Variants in ROR2 observed in about 807,000 individuals in gnomAD.
The protein encoded by ROR2 is ROR family WNT receptor 2.
ROR2 carries 33 observed loss-of-function variants against 74.9 expected under a neutral mutation model. The observed-to-expected ratio is 0.44, with a 90% CI of 0.33 to 0.59. The LOEUF (loss-of-function observed/expected upper bound fraction) is 0.59, where lower values mean the gene tolerates loss of function less well. ROR2 is among the 20% of genes least tolerant of loss of function. ROR2 has a pLI of 0.02. For synonymous variants in ROR2, 586 were observed against 558.7 expected (o/e 1.05, Z -0.69); for missense variants, 1,216 against 1,313.8 (o/e 0.93, Z 1.15).
chr9:91,916,680 T>C (rs1166079182), intron 1 of ROR2, among the ~76,000 whole-genome samples: 2 of 152,246 alleles, frequency 1.3e-5, no homozygotes, highest in Non-Finnish European at 2.9e-5. Flanking sequence ...CCAATGTGTT[T>C]GGGACCCTTT....
chr9:91,834,419 G>A lies in ROR2; in HGVS notation c.98-58601C>T, dbSNP rs148260992. ...TGTTTGTGGTTTATTTTTTAATGCA[G>A]ACACAGAGCAAACATCAATCCTGAA... On this transcript the variant is annotated intron_variant, in intron 1 of 8. Coordinates refer to ENST00000375708, the MANE Select transcript of ROR2 (RefSeq NM_004560.4). 2.8e-3 allele frequency among the ~76,000 whole-genome samples: 425 copies of A among 152,322 alleles called. 4 individuals carry two copies. Among genetic ancestry groups the A allele is most frequent in the African/African-American group, 9.1e-3 (380 of 41,568 alleles).
intron 1 of ROR2, among the ~76,000 whole-genome samples, chr9:91,824,300 C>T (rs1828220285): frequency 6.6e-6 from 1 of 152,212 alleles, no homozygotes; most frequent in African/African-American, 2.4e-5. Context: ...TGTGGGGTTC[C>T]CCCAGCCAAA....
chr9:91,791,219 A>G (rs1031033729), intron 1 of ROR2, among the ~76,000 whole-genome samples: 1 of 152,118 alleles, frequency 6.6e-6, no homozygotes, highest in Admixed American at 6.5e-5. Context: ...TTTATACTAT[A>G]TTTTTACTGT....
At chr9:91,938,496 C>T (rs1831760749) in intron 1 of ROR2, among the ~76,000 whole-genome samples, 1 of 152,076 alleles carries the variant, frequency 6.6e-6, no homozygotes, top group African/African-American at 2.4e-5. Flanking sequence ...GATGTGCACA[C>T]CTGTAATCTT....
chr9:91,877,013 T>C (rs922011444), intron 1 of ROR2, among the ~76,000 whole-genome samples: 1 of 151,692 alleles, frequency 6.6e-6, no homozygotes, highest in Non-Finnish European at 1.5e-5. Context: ...ACACAGAAGA[T>C]CCCAAAACCC....
At chr9:91,897,011 G>T (rs889295584) in intron 1 of ROR2, among the ~76,000 whole-genome samples, 1 of 152,212 alleles carries the variant, frequency 6.6e-6, no homozygotes, top group African/African-American at 2.4e-5. Flanking sequence ...GAAGGAAGGG[G>T]AAGGCCCATG....
At chr9:91,939,393 T>G (rs2118036506) in intron 1 of ROR2, among the ~76,000 whole-genome samples, 3 of 152,394 alleles carry the variant, frequency 2.0e-5, no homozygotes, top group Admixed American at 2.0e-4. Context: ...AGTGATCCAA[T>G]GAGTCAAAGA....
chr9:91,874,872 T>A (rs530532085), intron 1 of ROR2, among the ~76,000 whole-genome samples: 9 of 150,762 alleles, frequency 6.0e-5, no homozygotes, highest in African/African-American at 1.5e-4. Context: ...GAGGTGGAGG[T>A]TGCAGTGAGC....
At chr9:91,850,808 C>A (rs148041346) in intron 1 of ROR2, among the ~76,000 whole-genome samples, 1 of 152,294 alleles carries the variant, frequency 6.6e-6, no homozygotes, top group African/African-American at 2.4e-5. Flanking sequence ...TTTGCCCCTT[C>A]AATAGGGCTT....
At chr9:91,819,135 G>A (rs867509499) in intron 1 of ROR2, among the ~76,000 whole-genome samples, 3 of 152,162 alleles carry the variant, frequency 2.0e-5, no homozygotes, top group Admixed American at 1.3e-4. Context: ...CCAAAGATGA[G>A]CCCTGGTGAA....
chr9:91,888,080 A>G (rs1830335420), intron 1 of ROR2, among the ~76,000 whole-genome samples: 1 of 152,040 alleles, frequency 6.6e-6, no homozygotes, highest in South Asian at 2.1e-4. Context: ...GTGAGCCACC[A>G]TGCCCAGCCT....
chr9:91,733,248 C>A lies in ROR2; in HGVS notation c.811G>T (p.Ala271Ser). The stretch of plus-strand genomic sequence containing the variant: ...ATGAGGATGAGCGGGTTGGAGCGGG[C>A]GATGGTGTACTCCTGGCGGCACAGG... Reference protein sequence around the residue: ...SDLCRQEYTIARSNPLILMRL... With the variant: ...SDLCRQEYTISRSNPLILMRL... Residue 271 changes from alanine (A) to serine (S), a missense_variant, in exon 6 of 9, where the codon GCC becomes TCC. Physicochemically the swap from Ala to Ser is moderately conservative, Grantham distance 99. Coordinates refer to ENST00000375708, the MANE Select transcript of ROR2 (RefSeq NM_004560.4). This position sits in a 1 kb window ranked among gnomAD's most constrained non-coding sequence, Gnocchi z 5.7. 6.2e-7 allele frequency: 1 copy of A among 1,612,784 alleles called. No homozygotes were observed. The highest frequency in any genetic ancestry group is 8.5e-7 in the Non-Finnish European group (1 of 1,179,714).
In ROR2 at chr9:91,822,964, G is replaced by A. The variant is rs144272043; in HGVS notation, c.98-47146C>T. Among the ~76,000 whole-genome samples the A allele has an allele frequency of 3.9e-5, 6 of 152,266 alleles. No individual in the cohort carries two copies. The East Asian group carries it at 1.2e-3, about 29-fold the overall frequency. On this transcript the variant is annotated intron_variant, in intron 1 of 8. Coordinates refer to ENST00000375708, the MANE Select transcript of ROR2 (RefSeq NM_004560.4). ...AGACAGTAAGAAACATCACCGGAGG[G>A]AACAGTCACACTAATTCAAAGGTGC...
chr9:91,769,604 C>T (rs919576349), intron 2 of ROR2, among the ~76,000 whole-genome samples: 5 of 152,204 alleles, frequency 3.3e-5, no homozygotes, highest in Admixed American at 1.3e-4. Context: ...CGGGACTCTA[C>T]GTTCCCTTCC....
chr9:91,933,057 A>G (rs1831592422), intron 1 of ROR2, among the ~76,000 whole-genome samples: 1 of 152,234 alleles, frequency 6.6e-6, no homozygotes, highest in African/African-American at 2.4e-5. Flanking sequence ...GTTAGCCTGT[A>G]ATCTCAGCAC....
chr9:91,738,998 T>C (rs1825129742), intron 4 of ROR2, among the ~76,000 whole-genome samples: 1 of 152,050 alleles, frequency 6.6e-6, no homozygotes. Context: ...CCTCCAAAGG[T>C]CCATTGACGC....
At chr9:91,915,811 G>C (rs1295058486) in intron 1 of ROR2, among the ~76,000 whole-genome samples, 1 of 152,160 alleles carries the variant, frequency 6.6e-6, no homozygotes, top group East Asian at 1.9e-4. Flanking sequence ...GCTAGACGCA[G>C]AGCGCTAATT....
intron 4 of ROR2, among the ~76,000 whole-genome samples, chr9:91,752,786 T>C (rs896503953): frequency 1.2e-4 from 19 of 152,236 alleles, no homozygotes; most frequent in African/African-American, 4.6e-4. Flanking sequence ...ATTAATGATA[T>C]ATATGCTGAA....
chr9:91,858,447 A>G (rs989679695), intron 1 of ROR2, among the ~76,000 whole-genome samples: 1 of 152,158 alleles, frequency 6.6e-6, no homozygotes, highest in Non-Finnish European at 1.5e-5. Flanking sequence ...CACCCCACAG[A>G]GCAGTGGTTC....
Sources: gnomAD v4.1 joint callset for allele counts (sites outside exome capture counted in the v4.1 genomes callset) on GRCh38, gnomAD v4.1.1 for gene constraint, Gnocchi (gnomAD v3.1) non-coding constraint, MANE v1.5 for transcripts, NCBI Gene and HGNC (gene_info 2026-07-23, HGNC 2026-07-21) for gene names.